Variants in CHLSN observed in about 807,000 individuals in gnomAD.
CHLSN encodes protein cholesin.
chr7:1,037,671 G>A, the CHLSN span, among the ~76,000 whole-genome samples: 36 of 116,222 alleles, frequency 3.1e-4, no homozygotes, highest in Admixed American at 4.3e-4. Context: ...CCGCCACCCC[G>A]TCTGGGAAGT....
At chr7:1,092,664 C>T in the CHLSN span, 77 of 1,613,104 alleles carry the variant, frequency 4.8e-5, 1 homozygote, top group South Asian at 3.2e-4. Flanking sequence ...TCAACCTCGC[C>T]GCCTTCTCCA....
the CHLSN span, among the ~76,000 whole-genome samples, chr7:1,047,777 TCAA>T: frequency 2.0e-5 from 3 of 152,180 alleles, no homozygotes; most frequent in Admixed American, 2.0e-4. Flanking sequence ...CTCTAAAGCT[TCAA>T]CAACTGTCCG....
At chr7:1,102,408 G>T in the CHLSN span, among the ~76,000 whole-genome samples, 1 of 152,312 alleles carries the variant, frequency 6.6e-6, no homozygotes, top group African/African-American at 2.4e-5. Flanking sequence ...GGCGTCTGCA[G>T]CCACACTCAA....
the CHLSN span, among the ~76,000 whole-genome samples, chr7:1,037,171 G>T: frequency 6.8e-6 from 1 of 146,032 alleles, no homozygotes; most frequent in East Asian, 1.9e-4. Flanking sequence ...CTGATAAAGG[G>T]CATCTACAAA....
the CHLSN span, among the ~76,000 whole-genome samples, chr7:1,053,943 G>T: frequency 5.3e-5 from 8 of 152,232 alleles, no homozygotes. Flanking sequence ...GCACTCCCAG[G>T]GACCCTGTTC....
At chr7:1,135,772 AATAT>A in the CHLSN span, among the ~76,000 whole-genome samples, 24 of 97,342 alleles carry the variant, frequency 2.5e-4, no homozygotes, top group African/African-American at 5.0e-4. Context: ...CTCAAAAAGA[AATAT>A]ATATATATAT....
the CHLSN span, among the ~76,000 whole-genome samples, chr7:1,114,404 T>C: frequency 6.6e-6 from 1 of 152,344 alleles, no homozygotes; most frequent in South Asian, 2.1e-4. Context: ...CCAGCGTGAA[T>C]TGTGGTGAGC....
the CHLSN span, among the ~76,000 whole-genome samples, chr7:987,922 CCT>C: frequency 2.8e-4 from 40 of 144,916 alleles, no homozygotes; most frequent in African/African-American, 8.3e-4. Context: ...CTGGGGATCC[CCT>C]GTGTGTCCTG....
chr7:1,069,220 A>G, the CHLSN span, among the ~76,000 whole-genome samples: 14 of 152,330 alleles, frequency 9.2e-5, no homozygotes, highest in South Asian at 6.2e-4. Flanking sequence ...AATCCCAGCT[A>G]CGAAGAAGGC....
chr7:1,125,330 C>T, the CHLSN span, among the ~76,000 whole-genome samples: 4 of 152,216 alleles, frequency 2.6e-5, no homozygotes, highest in African/African-American at 7.2e-5. Context: ...CTTTGCACAG[C>T]GGCCATTTTC....
chr7:1,043,432 C>G, the CHLSN span: 1 of 152,202 alleles, frequency 6.6e-6, no homozygotes, highest in Non-Finnish European at 1.5e-5. Flanking sequence ...TGATGAAATA[C>G]GGACGTATCT....
the CHLSN span, among the ~76,000 whole-genome samples, chr7:1,122,188 C>A: frequency 6.6e-6 from 1 of 152,346 alleles, no homozygotes; most frequent in African/African-American, 2.4e-5. Flanking sequence ...CACGCCTCTG[C>A]CCCTGGCACC....
At chr7:994,282 T>C in the CHLSN span, among the ~76,000 whole-genome samples, 4 of 152,052 alleles carry the variant, frequency 2.6e-5, no homozygotes, top group East Asian at 3.9e-4. Flanking sequence ...CTCAGCCTCC[T>C]GAGTAGCTGG....
the CHLSN span, among the ~76,000 whole-genome samples, chr7:1,004,203 G>A: frequency 4.6e-5 from 7 of 152,112 alleles, no homozygotes; most frequent in African/African-American, 1.2e-4. Flanking sequence ...CCCGGCCAGC[G>A]TGGGCCCCTG....
chr7:988,712 C>T, the CHLSN span: 140 of 1,599,610 alleles, frequency 8.8e-5, no homozygotes, highest in Non-Finnish European at 1.1e-4. Flanking sequence ...GCAGAGGTAC[C>T]GCCTGCTGCC....
At chr7:1,090,929 G>A in the CHLSN span, among the ~76,000 whole-genome samples, 1 of 152,068 alleles carries the variant, frequency 6.6e-6, no homozygotes, top group African/African-American at 2.4e-5. Context: ...CTGTTTTATC[G>A]TAAGAGAAGA....
the CHLSN span, among the ~76,000 whole-genome samples, chr7:1,115,290 G>C: frequency 1.3e-5 from 2 of 152,246 alleles, no homozygotes; most frequent in Admixed American, 1.3e-4. Flanking sequence ...ACTGAGATGA[G>C]AAACGGCCCC....
At chr7:984,657 A>T in the CHLSN span, 2 of 1,489,268 alleles carry the variant, frequency 1.3e-6, no homozygotes, top group Non-Finnish European at 1.8e-6. Flanking sequence ...CAGCAGCGGG[A>T]GAGGCTCCCA....
the CHLSN span, chr7:1,057,544 C>T: frequency 1.3e-6 from 1 of 773,996 alleles, no homozygotes; most frequent in South Asian, 1.4e-5. Flanking sequence ...TTCAACGGCA[C>T]AGGGCTGGTG....
Sources: gnomAD v4.1 joint callset for allele counts (sites outside exome capture counted in the v4.1 genomes callset) on GRCh38, gnomAD v4.1.1 for gene constraint, MANE v1.5 for transcripts, NCBI Gene and HGNC (gene_info 2026-07-23, HGNC 2026-07-21) for gene names.